The following PCSK5 variants were observed in gnomAD, a reference collection of about 807,000 sequenced individuals.
PCSK5 encodes prohormone convertase 5.
In PCSK5, 129 loss-of-function variants were observed where a neutral mutation model predicts 233.2. That is an observed-to-expected ratio of 0.55 (90% CI 0.48 to 0.64). The LOEUF (loss-of-function observed/expected upper bound fraction) is 0.64. Ranked by LOEUF, PCSK5 falls within the 30% of genes least tolerant of loss-of-function variation. PCSK5 has a pLI of 0.00. For synonymous variants in PCSK5, 825 were observed against 879.2 expected, an observed-to-expected ratio of 0.94 and a Z score of 1.09; for missense variants, 2,076 against 2,430.1, an observed-to-expected ratio of 0.85 and a Z score of 3.06.
At chr9:75,988,840 G>C (rs1162594094) in intron 3 of PCSK5, among the ~76,000 whole-genome samples, 1 of 152,200 alleles carries the variant, frequency 6.6e-6, no homozygotes, top group Non-Finnish European at 1.5e-5. Context: ...GCCTGAAAGT[G>C]GTGGAGATGC....
At chr9:76,111,682 A>G (rs1336860325) in intron 9 of PCSK5, among the ~76,000 whole-genome samples, 2 of 152,190 alleles carry the variant, frequency 1.3e-5, no homozygotes, top group Admixed American at 6.5e-5. Context: ...GCTGCTTAAA[A>G]TGATGTCTTT....
chr9:76,027,668 A>G (rs1011010491), intron 5 of PCSK5, among the ~76,000 whole-genome samples: 4 of 150,762 alleles, frequency 2.7e-5, no homozygotes, highest in Non-Finnish European at 4.4e-5. Flanking sequence ...CATCCATTTG[A>G]TAACAGAATA....
Position 76,303,925 on chromosome 9 carries a change from G to A in PCSK5, c.3604+1708G>A, listed in dbSNP as rs191762318. Among the ~76,000 whole-genome samples the A allele has an allele frequency of 2.5e-3, 381 of 152,176 alleles. 5 individuals carry two copies. Among genetic ancestry groups the A allele is most frequent in the East Asian group, 3.9e-4 (2 of 5,174 alleles). On this transcript the variant is annotated intron_variant, in intron 28 of 37. Transcript: ENST00000674117. Reference sequence around the variant, plus strand: ...AGTGGCTCACACCTGTAATCCCAGCGCTTTGGGAGACCAAGGCGGGTGGAC... The same window carrying A: ...AGTGGCTCACACCTGTAATCCCAGCACTTTGGGAGACCAAGGCGGGTGGAC...
chr9:75,898,481 A>C (rs996086125), intron 1 of PCSK5, among the ~76,000 whole-genome samples: 1 of 152,152 alleles, frequency 6.6e-6, no homozygotes, highest in African/African-American at 2.4e-5. Flanking sequence ...GTATCCCCAC[A>C]TGTGGGCCAA....
intron 20 of PCSK5, among the ~76,000 whole-genome samples, chr9:76,223,144 T>C (rs1484491651): frequency 1.3e-5 from 2 of 152,210 alleles, no homozygotes; most frequent in Non-Finnish European, 2.9e-5. Context: ...CTCTTACCAA[T>C]CATCTTGCTA....
At position 76,292,276 on chromosome 9, in the gene PCSK5, G is replaced by A. The variant is rs746981430; in HGVS notation, c.3185+1G>A. ...CATCTTGCGCTATGGGGTATTACAG[G>A]TAAGTCTGGTCTTCCTTTTCATGGC... On this transcript the variant is annotated splice_donor_variant, in intron 25 of 37. Coordinates refer to ENST00000674117, the MANE Select transcript of PCSK5 (RefSeq NM_001372043.1). LOFTEE classifies it high-confidence loss of function. The A allele has an allele frequency of 7.7e-6, 12 of 1,557,560 alleles. No homozygotes were observed. The highest frequency in any genetic ancestry group is 1.4e-5 in the African/African-American group (1 of 73,856).
chr9:76,240,707 C>T (rs1156375111), intron 24 of PCSK5, 23 bp downstream of exon 24: 2 of 1,523,860 alleles, frequency 1.3e-6, no homozygotes, highest in Admixed American at 3.8e-5. Flanking sequence ...CCTTTGTCAC[C>T]TAAAGAGTTG....
chr9:76,289,355 A>C (rs1036660295), intron 24 of PCSK5, among the ~76,000 whole-genome samples: 9 of 152,166 alleles, frequency 5.9e-5, no homozygotes, highest in Non-Finnish European at 8.8e-5. Flanking sequence ...CTCTCAGCTC[A>C]AAAGTTTGAC....
At chr9:76,289,496 C>CAACAT (rs1554717442) in intron 24 of PCSK5, among the ~76,000 whole-genome samples, 22 of 135,026 alleles carry the variant, frequency 1.6e-4, no homozygotes, top group African/African-American at 5.9e-4. Context: ...CACACACACA[C>CAACAT]ACACACACAC....
chr9:76,021,370 G>GC (rs869070072), intron 3 of PCSK5, among the ~76,000 whole-genome samples: 1 of 10,330 alleles, frequency 9.7e-5, no homozygotes, highest in South Asian at 1.0e-3. Flanking sequence ...GGTGTGGGTT[G>GC]GGGGGTGTAT....
chr9:75,894,730 C>G (rs1385071026), intron 1 of PCSK5, among the ~76,000 whole-genome samples: 1 of 152,018 alleles, frequency 6.6e-6, no homozygotes, highest in Non-Finnish European at 1.5e-5. Context: ...CTGAGCTGGC[C>G]GAGGGTAGGA....
At chr9:75,944,275 G>A (rs953562558) in intron 2 of PCSK5, among the ~76,000 whole-genome samples, 6 of 151,726 alleles carry the variant, frequency 4.0e-5, no homozygotes, top group South Asian at 2.1e-4. Flanking sequence ...ATGTGTTCCC[G>A]TTTATGTTTT....
intron 10 of PCSK5, among the ~76,000 whole-genome samples, chr9:76,134,430 A>AT (rs1361117744): frequency 6.6e-5 from 10 of 151,930 alleles, no homozygotes; most frequent in Admixed American, 5.9e-4. Flanking sequence ...TCATAGGTCA[A>AT]TTTTTTTAAA....
At chr9:76,094,508 C>A (rs757344715) in intron 7 of PCSK5, among the ~76,000 whole-genome samples, 8 of 152,160 alleles carry the variant, frequency 5.3e-5, no homozygotes, top group Non-Finnish European at 7.4e-5. Flanking sequence ...TGGCTTAATT[C>A]TCTGTTTTCT....
At position 76,096,078 on chromosome 9, in the gene PCSK5, C is replaced by T. The variant is rs372936707; in HGVS notation, c.1083C>T (p.Ser361=). Residue 361 remains serine, a synonymous_variant, in exon 8 of 38, where the codon AGC becomes AGT. Transcript: ENST00000674117. ...CCACGCTGGCCACAACCTACAGCAG[C>T]GGGGAGTCCTACGATAAGAAAATCG... The part of the protein sequence containing the change: ...CSSTLATTYS[S]GESYDKKIIT... The T allele has an allele frequency of 4.2e-5, 67 of 1,613,628 alleles. No individual in the cohort carries two copies. Among genetic ancestry groups the T allele is most frequent in the Middle Eastern group, 1.6e-4 (1 of 6,082 alleles).
At chr9:75,951,519 A>G (rs1824854979) in intron 2 of PCSK5, among the ~76,000 whole-genome samples, 1 of 152,232 alleles carries the variant, frequency 6.6e-6, no homozygotes, top group Non-Finnish European at 1.5e-5. Context: ...CAAACTTTGA[A>G]TCTGAATAAT....
At chr9:75,976,800 A>C (rs923367761) in intron 2 of PCSK5, among the ~76,000 whole-genome samples, 1 of 152,104 alleles carries the variant, frequency 6.6e-6, no homozygotes, top group East Asian at 1.9e-4. Flanking sequence ...TCAAATGTTT[A>C]ATCATATTTA....
chr9:76,114,848 T>C (rs903562135), intron 9 of PCSK5, among the ~76,000 whole-genome samples: 8 of 152,124 alleles, frequency 5.3e-5, no homozygotes, highest in African/African-American at 7.2e-5. Flanking sequence ...GTGTCAAATG[T>C]TGGAAATGTC....
chr9:76,141,735 C>A (rs1160426682), intron 10 of PCSK5, among the ~76,000 whole-genome samples: 1 of 152,124 alleles, frequency 6.6e-6, no homozygotes, highest in Non-Finnish European at 1.5e-5. Context: ...AAACTGGCTT[C>A]TTTCTAGCCA....
Sources: allele counts gnomAD v4.1 joint callset (sites outside exome capture counted in the v4.1 genomes callset), GRCh38; gene constraint gnomAD v4.1.1; transcripts MANE v1.5; gene names NCBI Gene and HGNC (gene_info 2026-07-23, HGNC 2026-07-21).